The following SMYD3 variants were observed in gnomAD, a reference collection of about 807,000 sequenced individuals.
SMYD3 encodes the protein SET and MYND domain containing 3.
A neutral mutation model predicts 57.7 loss-of-function variants in SMYD3; 36 were observed. The observed-to-expected ratio is 0.62, with a 90% CI of 0.48 to 0.82. The LOEUF is 0.82. Ranked by LOEUF, SMYD3 falls within the 40% of genes least tolerant of loss-of-function variation. SMYD3 has a pLI of 0.00. For missense variants in SMYD3, 515 were observed against 538.8 expected, an observed-to-expected ratio of 0.96 and a Z score of 0.44; for synonymous variants, 211 against 195.0, an observed-to-expected ratio of 1.08 and a Z score of -0.68.
intron 5 of SMYD3, among the ~76,000 whole-genome samples, chr1:246,129,445 G>A (rs779324969): frequency 5.9e-5 from 9 of 151,938 alleles, no homozygotes; most frequent in Non-Finnish European, 1.2e-4. Flanking sequence ...AGTAAAGCAT[G>A]GTTGACCTCA....
chr1:245,896,389 C>CAAAAAAAAAAAAAA (rs3052904), intron 8 of SMYD3, among the ~76,000 whole-genome samples: 15 of 73,722 alleles, frequency 2.0e-4, no homozygotes, highest in African/African-American at 4.8e-4. Context: ...TTTGCCAAGT[C>CAAAAAAAAAAAAAA]AAAAAAAAAA....
At chr1:246,349,645 A>G (rs1349528737) in intron 2 of SMYD3, among the ~76,000 whole-genome samples, 1 of 152,172 alleles carries the variant, frequency 6.6e-6, no homozygotes, top group African/African-American at 2.4e-5. Flanking sequence ...GCAGGAATTA[A>G]AAGTATTTTG....
intron 7 of SMYD3, among the ~76,000 whole-genome samples, chr1:245,922,101 G>T (rs1389361592): frequency 6.6e-6 from 1 of 152,100 alleles, no homozygotes; most frequent in East Asian, 1.9e-4. Flanking sequence ...TAAGAATGGG[G>T]CAGGGACTTT....
chr1:246,122,973 G>T (rs560420980), intron 5 of SMYD3, among the ~76,000 whole-genome samples: 107 of 152,210 alleles, frequency 7.0e-4, no homozygotes, highest in African/African-American at 1.3e-3. Context: ...TGAGTTTTTT[G>T]ATTTTACTTT....
At chr1:246,446,582 A>G (rs1019430005) in intron 1 of SMYD3, among the ~76,000 whole-genome samples, 1 of 152,208 alleles carries the variant, frequency 6.6e-6, no homozygotes, top group African/African-American at 2.4e-5. Flanking sequence ...CAGGATCTCC[A>G]TGACAGGTTT....
intron 10 of SMYD3, among the ~76,000 whole-genome samples, chr1:245,813,160 G>A (rs185789566): frequency 0.012 from 1,874 of 151,806 alleles, 63 homozygotes; most frequent in African/African-American, 0.043. Flanking sequence ...GACTACAGGC[G>A]CCCGCCACCA....
At chr1:246,055,445 A>G (rs2060135911) in intron 5 of SMYD3, among the ~76,000 whole-genome samples, 1 of 152,166 alleles carries the variant, frequency 6.6e-6, no homozygotes, top group African/African-American at 2.4e-5. Context: ...AAATAAAAGA[A>G]GACAAGAAAA....
intron 1 of SMYD3, among the ~76,000 whole-genome samples, chr1:246,452,701 T>C (rs2067649274): frequency 6.6e-6 from 1 of 152,182 alleles, no homozygotes; most frequent in South Asian, 2.1e-4. Context: ...AGAAAAGTTA[T>C]ATGACCATCT....
intron 1 of SMYD3, among the ~76,000 whole-genome samples, chr1:246,437,087 C>T (rs1286962511): frequency 6.6e-6 from 1 of 152,010 alleles, no homozygotes; most frequent in African/African-American, 2.4e-5. Flanking sequence ...TTATTAGAGA[C>T]AAGGTTTCAC....
intron 5 of SMYD3, among the ~76,000 whole-genome samples, chr1:246,166,553 T>C (rs766218270): frequency 2.8e-4 from 42 of 152,298 alleles, no homozygotes; most frequent in Middle Eastern, 3.4e-3. Flanking sequence ...TCTGTTCCCC[T>C]GTTAATTCTT....
chr1:246,416,245 T>C (rs1355194469), intron 1 of SMYD3, among the ~76,000 whole-genome samples: 1 of 152,170 alleles, frequency 6.6e-6, no homozygotes, highest in Non-Finnish European at 1.5e-5. Context: ...ACTCCCAATT[T>C]CTTACCCATG....
intron 1 of SMYD3, among the ~76,000 whole-genome samples, chr1:246,373,090 T>C (rs747769900): frequency 2.9e-4 from 44 of 152,194 alleles, no homozygotes; most frequent in Non-Finnish European, 5.7e-4. Context: ...TAAAATTAAG[T>C]TTTTTCAATG....
At chr1:246,036,144 G>C (rs1395700198) in intron 5 of SMYD3, among the ~76,000 whole-genome samples, 6 of 152,314 alleles carry the variant, frequency 3.9e-5, no homozygotes, top group Middle Eastern at 3.4e-3. Flanking sequence ...GGGTTGAAGA[G>C]GAGACAGGGC....
chr1:246,245,737 C>T (rs965593232), intron 5 of SMYD3, among the ~76,000 whole-genome samples: 1 of 152,034 alleles, frequency 6.6e-6, no homozygotes, highest in African/African-American at 2.4e-5. Context: ...ACTTATAGAC[C>T]TATTTCTCTA....
rs2062937696 is a variant in SMYD3, at chr1:246,202,520, G to A, written c.531+124681C>T. ...TCAACTCCTTCCCCCTTTCCTCAGA[G>A]GCTTTTCCAGAGACTTCTCCCTTTC... On this transcript the variant is annotated intron_variant, in intron 5 of 11. Coordinates refer to ENST00000490107, the MANE Select transcript of SMYD3 (RefSeq NM_001167740.2). The surrounding 1 kb of genome is among the most constrained non-coding windows in gnomAD (Gnocchi z 4.1). Among the ~76,000 whole-genome samples, 3 of 152,184 alleles carry A rather than the reference G, an allele frequency of 2.0e-5. No individual in the cohort carries two copies. Among genetic ancestry groups the A allele is most frequent in the South Asian group, 4.2e-4 (2 of 4,818 alleles).
chr1:246,158,558 ATATT>A (rs2062061410), intron 5 of SMYD3, among the ~76,000 whole-genome samples: 1 of 152,204 alleles, frequency 6.6e-6, no homozygotes, highest in Non-Finnish European at 1.5e-5. Context: ...ATACCTTTTT[ATATT>A]TACTCTTTTT....
intron 2 of SMYD3, among the ~76,000 whole-genome samples, chr1:246,336,152 T>C (rs896658761): frequency 1.3e-5 from 2 of 152,184 alleles, no homozygotes; most frequent in Non-Finnish European, 2.9e-5. Context: ...TAGCCATGTG[T>C]TGATGTGGCT....
chr1:245,787,886 C>T (rs571585464), intron 10 of SMYD3, among the ~76,000 whole-genome samples: 1 of 152,166 alleles, frequency 6.6e-6, no homozygotes, highest in Admixed American at 6.5e-5. Flanking sequence ...GAGGTTCAAG[C>T]ACGGTATAGG....
chr1:246,106,731 T>C (rs1394413751), intron 5 of SMYD3, among the ~76,000 whole-genome samples: 2 of 152,136 alleles, frequency 1.3e-5, no homozygotes, highest in African/African-American at 4.8e-5. Context: ...ACCTTCCCTC[T>C]TCATCAATGT....
Sources: allele counts gnomAD v4.1 joint callset (sites outside exome capture counted in the v4.1 genomes callset), GRCh38; gene constraint gnomAD v4.1.1; non-coding constraint Gnocchi (gnomAD v3.1); transcripts MANE v1.5; gene names NCBI Gene and HGNC (gene_info 2026-07-23, HGNC 2026-07-21).